The following FARP1 variants were observed in gnomAD, a reference collection of about 807,000 sequenced individuals.
FARP1 encodes the protein FERM, ARHGEF and pleckstrin domain-containing protein 1.
A neutral mutation model predicts 128.8 loss-of-function variants in FARP1; 52 were observed. The observed-to-expected ratio is 0.40, with a 90% CI of 0.32 to 0.51. The LOEUF is 0.51. Among genes scored for constraint, FARP1 ranks in the 20% least tolerant of loss-of-function variants. The probability of loss-of-function intolerance (pLI) is 0.45; values close to 1 mark genes in which losing one functional copy is unlikely to be tolerated. For synonymous variants in FARP1, 580 were observed against 551.8 expected (o/e 1.05, Z -0.72); for missense variants, 1,333 against 1,367.9 (o/e 0.97, Z 0.40).
intron 3 of FARP1, among the ~76,000 whole-genome samples, chr13:98,354,438 C>T (rs1402320539): frequency 2.6e-5 from 4 of 152,092 alleles, no homozygotes; most frequent in African/African-American, 7.2e-5. Context: ...TTGGTTTGGA[C>T]GTTAGTTTTG....
At chr13:98,217,844 T>C (rs1157548883) in intron 2 of FARP1, among the ~76,000 whole-genome samples, 1 of 152,224 alleles carries the variant, frequency 6.6e-6, no homozygotes, top group Non-Finnish European at 1.5e-5. Context: ...GCGGTGCCTG[T>C]GCATGAAACT....
chr13:98,383,022 C>T (rs1889949498), intron 6 of FARP1, among the ~76,000 whole-genome samples: 1 of 152,216 alleles, frequency 6.6e-6, no homozygotes, highest in Non-Finnish European at 1.5e-5. Flanking sequence ...CAGAAACACA[C>T]ATAAGATACG....
Position 98,232,150 on chromosome 13 carries a change from T to G in FARP1, c.171+18737T>G, listed in dbSNP as rs1161571820. ...CGGCTTTTTTTGTTTGGTTGGTTTTTTTTTTTTTTTTTTTTTGCTTAACTA... is the reference window on the plus strand; with the variant it reads ...CGGCTTTTTTTGTTTGGTTGGTTTTGTTTTTTTTTTTTTTTTGCTTAACTA... On this transcript the variant is annotated intron_variant, in intron 2 of 26. Coordinates refer to ENST00000319562, the MANE Select transcript of FARP1 (RefSeq NM_005766.4). Among the ~76,000 whole-genome samples the G allele has an allele frequency of 2.9e-4, 42 of 146,576 alleles. 2 individuals carry two copies. The highest frequency in any genetic ancestry group is 1.4e-3 in the Admixed American group (21 of 14,800).
chr13:98,158,030 A>G (rs1876613754), intron 1 of FARP1, among the ~76,000 whole-genome samples: 1 of 152,200 alleles, frequency 6.6e-6, no homozygotes, highest in Non-Finnish European at 1.5e-5. Context: ...TGCTTAAAAG[A>G]TGAGCATGTT....
At chr13:98,288,617 G>T (rs4600321) in intron 2 of FARP1, among the ~76,000 whole-genome samples, 36,303 of 152,070 alleles carry the variant, frequency 0.24, 4,746 homozygotes, top group African/African-American at 0.33. Context: ...CCAGAAATGC[G>T]GTTTTCTGTC....
At chr13:98,333,146 A>G (rs1887581466) in intron 2 of FARP1, 2 of 152,296 alleles carry the variant, frequency 1.3e-5, no homozygotes, top group Admixed American at 1.3e-4. Context: ...TACTTTCTAC[A>G]AGCAGTCGTC....
intron 2 of FARP1, among the ~76,000 whole-genome samples, chr13:98,227,927 A>T (rs1381073823): frequency 6.6e-6 from 1 of 152,262 alleles, no homozygotes; most frequent in Non-Finnish European, 1.5e-5. Context: ...TAGAAACAGT[A>T]GAATGGTGGT....
At chr13:98,350,937 A>G (rs1324327902) in intron 3 of FARP1, among the ~76,000 whole-genome samples, 1 of 151,714 alleles carries the variant, frequency 6.6e-6, no homozygotes, top group Non-Finnish European at 1.5e-5. Flanking sequence ...ACCACACCCC[A>G]GAGCCCACGG....
At chr13:98,291,577 T>C (rs890823838) in intron 2 of FARP1, among the ~76,000 whole-genome samples, 4 of 152,200 alleles carry the variant, frequency 2.6e-5, no homozygotes, top group African/African-American at 9.6e-5. Context: ...GGAACTATCA[T>C]GAGGGGCAAG....
intron 3 of FARP1, among the ~76,000 whole-genome samples, chr13:98,360,168 T>A (rs1417676366): frequency 7.1e-6 from 1 of 140,018 alleles, no homozygotes; most frequent in Non-Finnish European, 1.5e-5. Flanking sequence ...CTGTCTCAAA[T>A]CACTGCAAGC....
At chr13:98,396,091 C>G (rs1414326375) in intron 13 of FARP1, 2 of 399,152 alleles carry the variant, frequency 5.0e-6, no homozygotes, top group Non-Finnish European at 8.8e-6. Context: ...TCCACTCATC[C>G]TTAGCCAGGT....
At chr13:98,443,078 G>A (rs373712765) in intron 24 of FARP1, among the ~76,000 whole-genome samples, 2 of 152,240 alleles carry the variant, frequency 1.3e-5, no homozygotes, top group African/African-American at 2.4e-5. Context: ...TCAGGGGCAC[G>A]CTGGCCCCCA....
At chr13:98,250,425 C>T (rs1253574409) in intron 2 of FARP1, among the ~76,000 whole-genome samples, 1 of 151,986 alleles carries the variant, frequency 6.6e-6, no homozygotes, top group Non-Finnish European at 1.5e-5. Context: ...TATAGTTTAA[C>T]AAATAAAAAT....
At chr13:98,389,020 A>G (rs1594477740) in intron 9 of FARP1, among the ~76,000 whole-genome samples, 1 of 152,244 alleles carries the variant, frequency 6.6e-6, no homozygotes, top group Non-Finnish European at 1.5e-5. Context: ...TCTGCCAGAA[A>G]TGGCGACGGA....
chr13:98,382,532 A>G (rs1488445389), intron 6 of FARP1: 1 of 152,228 alleles, frequency 6.6e-6, no homozygotes, highest in Non-Finnish European at 1.5e-5. Context: ...TAAAGCTCAC[A>G]AGACATTTCG....
chr13:98,159,663 GT>G (rs1876736650), intron 1 of FARP1: 1 of 152,018 alleles, frequency 6.6e-6, no homozygotes, highest in African/African-American at 2.4e-5. Flanking sequence ...TAGAGATGGG[GT>G]TTCTCTATGT....
chr13:98,202,622 A>G (rs1880021330), intron 1 of FARP1, among the ~76,000 whole-genome samples: 2 of 152,086 alleles, frequency 1.3e-5, no homozygotes, highest in East Asian at 1.9e-4. Context: ...TTATGCTCTC[A>G]GTGGGGCAGG....
At chr13:98,197,067 T>C (rs1339412235) in intron 1 of FARP1, among the ~76,000 whole-genome samples, 1 of 152,248 alleles carries the variant, frequency 6.6e-6, no homozygotes, top group African/African-American at 2.4e-5. Flanking sequence ...AATGGCTTAA[T>C]GGAAATTGCT....
chr13:98,211,404 C>T (rs146719221), intron 1 of FARP1, among the ~76,000 whole-genome samples: 5 of 152,322 alleles, frequency 3.3e-5, no homozygotes, highest in African/African-American at 1.2e-4. Context: ...GCCTGATGAT[C>T]TGAGGTGGAA....
Sources: allele counts gnomAD v4.1 joint callset (sites outside exome capture counted in the v4.1 genomes callset), GRCh38; gene constraint gnomAD v4.1.1; transcripts MANE v1.5; gene names NCBI Gene and HGNC (gene_info 2026-07-23, HGNC 2026-07-21).